Variants in CDCA7L observed in about 807,000 individuals in gnomAD.
The protein encoded by CDCA7L is cell division cycle-associated 7-like protein.
In CDCA7L, 44 loss-of-function variants were observed where a neutral mutation model predicts 57.4. The observed-to-expected ratio is 0.77, with a 90% CI of 0.60 to 0.98. The LOEUF (loss-of-function observed/expected upper bound fraction) is 0.98, where lower values mean the gene tolerates loss of function less well. Among genes scored for constraint, CDCA7L ranks in the 50% least tolerant of loss-of-function variants. The pLI is 0.00. For synonymous variants in CDCA7L, 236 were observed against 202.8 expected (o/e 1.16, Z -1.39); for missense variants, 644 against 580.6 (o/e 1.11, Z -1.12).
chr7:21,909,618 A>G (rs1045973517), intron 3 of CDCA7L, among the ~76,000 whole-genome samples: 3 of 152,216 alleles, frequency 2.0e-5, no homozygotes, highest in Non-Finnish European at 4.4e-5. Flanking sequence ...CTATTTTTTA[A>G]TACCCTGAAC....
chr7:21,944,449 CAAAA>C (rs59373889), intron 1 of CDCA7L, among the ~76,000 whole-genome samples: 10,346 of 61,624 alleles, frequency 0.17, 498 homozygotes, highest in African/African-American at 0.25. Flanking sequence ...ACTCCGTCTC[CAAAA>C]AAAAAAAAAA....
At chr7:21,906,521 G>A (rs200255145) in intron 5 of CDCA7L, 47 bp downstream of exon 5, 30 of 1,612,226 alleles carry the variant, frequency 1.9e-5, no homozygotes, top group Middle Eastern at 1.7e-4. Flanking sequence ...TCTGGTGGCT[G>A]ATCACCATAT....
intron 1 of CDCA7L, among the ~76,000 whole-genome samples, chr7:21,944,226 G>A (rs1786433471): frequency 6.6e-6 from 1 of 151,214 alleles, no homozygotes; most frequent in Non-Finnish European, 1.5e-5. Context: ...ATCACCTGAG[G>A]TCAGCAGTTC....
rs1198433095 is a variant in CDCA7L at position 21,902,348 on chromosome 7, G to A, written c.1339C>T (p.Gln447Ter). The A allele has an allele frequency of 6.2e-7, 1 of 1,613,726 alleles. No individual in the cohort carries two copies. Among genetic ancestry groups the A allele is most frequent in the Non-Finnish European group, 8.5e-7 (1 of 1,179,724 alleles). The change falls in exon 10 of 10, where the codon CAA (glutamine) becomes TAA (stop). Residue 447 changes from glutamine (Q) to a stop codon, truncating the protein, a stop_gained. Transcript: ENST00000406877. LOFTEE classifies it high-confidence loss of function. ...DNVKEYLESL[Q>*]KELVEDN The stretch of plus-strand genomic sequence containing the variant: ...TAATTGTCTTCTACCAGCTCCTTTT[G>A]TAAGCTGGGAAAAAGATGAGAAGTA...
chr7:21,906,375 C>G lies in CDCA7L; in HGVS notation c.835G>C (p.Glu279Gln). ...MNPTRSARPP[E>Q]KFALENFTVS... ...GTGAAGTTCTCTAGAGCAAACTTCT[C>G]AGGAGGCCGCGCACTCCGGGTTGGG... The change falls in exon 6 of 10, where the codon GAG becomes CAG. Residue 279 changes from glutamate to glutamine, a missense_variant. Physicochemically the swap from Glu to Gln is conservative, Grantham distance 29 (BLOSUM62 2). Transcript: ENST00000406877. 1 of 1,613,878 alleles carries G rather than the reference C, an allele frequency of 6.2e-7. No individual in the cohort carries two copies. Among genetic ancestry groups the G allele is most frequent in the Admixed American group, 1.7e-5 (1 of 59,984 alleles).
Position 21,908,165 on chromosome 7 carries a change from T to TCA in CDCA7L, c.644_645dup (p.Lys216Ter). ...TTCTCCTTGATGTTCATGGTCCTTTTCAGCAAAGCATCTGAACTCTCCTGG... is the reference window on the plus strand; with the variant it reads ...TTCTCCTTGATGTTCATGGTCCTTTTCACAGCAAAGCATCTGAACTCTCCTGG... On this transcript the variant is annotated frameshift_variant, in exon 4 of 10. Transcript: ENST00000406877. LOFTEE classifies it high-confidence loss of function. 3.2e-6 allele frequency: 5 copies of TCA among 1,580,228 alleles called. No individual in the cohort carries two copies. Among genetic ancestry groups the TCA allele is most frequent in the Non-Finnish European group, 4.3e-6 (5 of 1,171,220 alleles).
At chr7:21,930,654 C>T (rs1239888184) in intron 1 of CDCA7L, among the ~76,000 whole-genome samples, 15 of 133,672 alleles carry the variant, frequency 1.1e-4, no homozygotes, top group African/African-American at 2.3e-4. Context: ...GCCAAGATTA[C>T]GCCATTGCAC....
chr7:21,911,420 T>C (rs1360691868), intron 3 of CDCA7L, among the ~76,000 whole-genome samples, 197 bp downstream of exon 3: 1 of 152,158 alleles, frequency 6.6e-6, no homozygotes, highest in Non-Finnish European at 1.5e-5. Context: ...GAATGGATTT[T>C]CTCTAAGAGA....
At position 21,916,890 on chromosome 7, in the gene CDCA7L, G is replaced by A; in HGVS notation, c.29C>T (p.Pro10Leu). Residue 10 changes from proline to leucine, a missense_variant, in exon 2 of 10, where the codon CCT becomes CTT. Physicochemically the swap from Pro to Leu is moderately conservative, Grantham distance 98. Transcript: ENST00000406877. ...GTTAAAGATGTCAGCCACTTCTTTA[G>A]GGATCTGTTTTGGATTCAAAAGAGG... is the stretch of plus-strand genomic sequence containing the variant. MELATRYQI[P>L]KEVADIFNAP... 5.0e-6 allele frequency: 8 copies of A among 1,614,022 alleles called. No homozygotes were observed. Among genetic ancestry groups the A allele is most frequent in the South Asian group, 1.1e-5 (1 of 91,072 alleles).
At chr7:21,933,932 C>A (rs1360129244) in intron 1 of CDCA7L, among the ~76,000 whole-genome samples, 1 of 151,140 alleles carries the variant, frequency 6.6e-6, no homozygotes, top group African/African-American at 2.4e-5. Flanking sequence ...AATTCTCCAT[C>A]TGGTTAAAAA....
intron 1 of CDCA7L, among the ~76,000 whole-genome samples, chr7:21,935,615 A>G (rs1323473683): frequency 6.6e-6 from 1 of 152,214 alleles, no homozygotes; most frequent in Non-Finnish European, 1.5e-5. Context: ...AAAATCAACA[A>G]ATTGGCAAAT....
chr7:21,903,215 C>G (rs562310398), intron 8 of CDCA7L, 101 bp from the exon 9 acceptor site: 7 of 1,130,656 alleles, frequency 6.2e-6, no homozygotes, highest in African/African-American at 4.6e-5. Flanking sequence ...CTCCTCCAAC[C>G]TTTAATCACA....
At chr7:21,930,124 G>A (rs1785959613) in intron 1 of CDCA7L, among the ~76,000 whole-genome samples, 1 of 103,796 alleles carries the variant, frequency 9.6e-6, no homozygotes, top group African/African-American at 4.4e-5. Context: ...CAGTCTCTCA[G>A]ACCAAGTGCA....
chr7:21,916,500 G>A (rs1166627110), intron 2 of CDCA7L, among the ~76,000 whole-genome samples: 2 of 130,664 alleles, frequency 1.5e-5, no homozygotes, highest in Non-Finnish European at 3.1e-5. Context: ...TTGATCATGT[G>A]AGGTCCCTTT....
At chr7:21,928,748 T>C (rs531903386) in intron 1 of CDCA7L, among the ~76,000 whole-genome samples, 1 of 150,906 alleles carries the variant, frequency 6.6e-6, no homozygotes, top group East Asian at 2.0e-4. Flanking sequence ...AAGAGAAGAT[T>C]AGAGAAAAAA....
chr7:21,933,028 C>T (rs1786062945), intron 1 of CDCA7L, among the ~76,000 whole-genome samples: 1 of 151,598 alleles, frequency 6.6e-6, no homozygotes, highest in Non-Finnish European at 1.5e-5. Context: ...GACATTTATA[C>T]TGCCAACAAA....
Position 21,902,620 on chromosome 7 carries a change from TTGCCC to T in CDCA7L, c.1335-273_1335-269del. On this transcript the variant is annotated intron_variant, in intron 9 of 9. Transcript: ENST00000406877. ...AACTTGTAACTCACATTCTGTCCTC[TTGCCC>T]TGAACTCTCTCTCTGCACTAGGATT... The T allele has an allele frequency of 7.4e-6, 4 of 541,272 alleles. No homozygotes were observed. The South Asian group carries it at 9.1e-5, about 12-fold the overall frequency. 33.5% of individuals were successfully genotyped at this position (541,272 alleles called of 1,614,324 possible).
At chr7:21,907,259 C>A (rs1312139862) in intron 4 of CDCA7L, among the ~76,000 whole-genome samples, 2 of 152,134 alleles carry the variant, frequency 1.3e-5, no homozygotes, top group Non-Finnish European at 2.9e-5. Context: ...TTTAAAGATG[C>A]AGATGGATAC....
At chr7:21,908,545 G>A (rs1053429818) in intron 3 of CDCA7L, 38 bp from the exon 4 acceptor site, 1 of 1,423,436 alleles carries the variant, frequency 7.0e-7, no homozygotes, top group Non-Finnish European at 9.2e-7. Flanking sequence ...CAAAGACACT[G>A]TTACAGACCC....
Sources: allele counts gnomAD v4.1 joint callset (sites outside exome capture counted in the v4.1 genomes callset), GRCh38; gene constraint gnomAD v4.1.1; transcripts MANE v1.5; gene names NCBI Gene and HGNC (gene_info 2026-07-23, HGNC 2026-07-21).